The following BCLAF3 variants were observed in gnomAD, a reference collection of about 807,000 sequenced individuals.
BCLAF3 encodes transient octamer binding factor 1.
Under a neutral mutation model 51.2 loss-of-function variants are expected in BCLAF3, and 24 were observed. The ratio of observed to expected loss-of-function variants is 0.47; its 90% CI spans 0.34 to 0.66. The LOEUF is 0.66. Ranked by LOEUF, BCLAF3 falls within the 30% of genes least tolerant of loss-of-function variation. BCLAF3 has a pLI of 0.01. For synonymous variants in BCLAF3, 152 were observed against 176.6 expected, an observed-to-expected ratio of 0.86 and a Z score of 1.10; for missense variants, 465 against 525.1, an observed-to-expected ratio of 0.89 and a Z score of 1.12.
chrX:19,974,560 C>T (rs771263717), intron 1 of BCLAF3, among the ~76,000 whole-genome samples: 1 of 111,793 alleles, frequency 8.9e-6, no homozygotes, highest in Non-Finnish European at 1.9e-5. Flanking sequence ...CTTTCCTTCA[C>T]CCAATATTAA....
chrX:19,926,904 G>A (rs933981797), intron 11 of BCLAF3, among the ~76,000 whole-genome samples: 4 of 111,374 alleles, frequency 3.6e-5, no homozygotes, highest in Admixed American at 9.6e-5. Context: ...TATACGAGAC[G>A]GGAAAATGAT....
At chrX:19,933,284 G>T (rs1163507881) in intron 10 of BCLAF3, among the ~76,000 whole-genome samples, 2 of 111,777 alleles carry the variant, frequency 1.8e-5, no homozygotes, top group Admixed American at 9.5e-5. Flanking sequence ...ACAATGTTTA[G>T]GTTCTGTAAT....
At chrX:19,990,646 G>A (rs1336257659) in intron 1 of BCLAF3, among the ~76,000 whole-genome samples, 1 of 113,259 alleles carries the variant, frequency 8.8e-6, no homozygotes, top group Non-Finnish European at 1.9e-5. Context: ...CAGGTGCCCG[G>A]GTCGCCGTGC....
At chrX:19,955,315 G>A in intron 5 of BCLAF3, 76 bp downstream of exon 5, 1 of 699,492 alleles carries the variant, frequency 1.4e-6, no homozygotes, top group Non-Finnish European at 2.1e-6. Flanking sequence ...AAACTATACT[G>A]CAGGTGTTTA....
In BCLAF3 at chrX:19,966,335, C is replaced by T. The variant is rs763597903; in HGVS notation, c.356G>A (p.Gly119Asp). 2.5e-6 allele frequency: 3 copies of T among 1,211,500 alleles called. No individual in the cohort carries two copies. In the South Asian group the frequency reaches 5.3e-5, roughly 21 times the overall value. Residue 119 changes from glycine to aspartate, a missense_variant, in exon 3 of 12, where the codon GGT (glycine) becomes GAT (aspartate). Transcript: ENST00000379682. ...RAQYMPKYSE[G>D]IPYKEHERNS... Reference sequence around the variant, plus strand: ...CCTTTCATGCTCTTTGTAGGGTATACCCTCTGAGTATTTGGGCATATACTG... The same window carrying T: ...CCTTTCATGCTCTTTGTAGGGTATATCCTCTGAGTATTTGGGCATATACTG...
chrX:19,951,582 T>G (rs2071478740), intron 7 of BCLAF3, among the ~76,000 whole-genome samples: 1 of 74,605 alleles, frequency 1.3e-5, no homozygotes, highest in African/African-American at 7.0e-5. Context: ...GGTGACAGAG[T>G]GAGACTCTGT....
In BCLAF3 at chrX:19,929,881, G is replaced by A; in HGVS notation, c.2010C>T (p.Ser670=). ...PNYKSGLVQK[S]LYIQAKYQRL... is the part of the protein sequence containing the mutation. ...GCTGATACTTAGCCTGAATGTACAA[G>A]CTCTTCTGTACCAGGCCTGATTTAT... Residue 670 remains serine (S), a synonymous_variant, in exon 11 of 12, where the codon AGC becomes AGT. Transcript: ENST00000379682. The A allele has an allele frequency of 8.3e-7, 1 of 1,210,145 alleles. No homozygotes were observed. The highest frequency in any genetic ancestry group is 1.1e-6 in the Non-Finnish European group (1 of 894,421).
At chrX:19,941,484 C>G (rs4825324) in intron 8 of BCLAF3, among the ~76,000 whole-genome samples, 8 of 97,262 alleles carry the variant, frequency 8.2e-5, no homozygotes, top group African/African-American at 3.7e-4. Context: ...TCAGCTTTCT[C>G]CATATGGCTA....
At position 19,950,847 on chromosome X, in the gene BCLAF3, G is replaced by A. The variant is rs376493437; in HGVS notation, c.1651C>T (p.Pro551Ser). Reference protein sequence around the residue: ...SEQTLIKIIDPNDLRHDIERR... With the variant: ...SEQTLIKIIDSNDLRHDIERR... ...TCAATGTCATGTCGTAGGTCATTTGGATCTATTATTTTGATCAGAGTCTGA... is the reference window on the plus strand; with the variant it reads ...TCAATGTCATGTCGTAGGTCATTTGAATCTATTATTTTGATCAGAGTCTGA... Residue 551 changes from proline to serine, a missense_variant, in exon 8 of 12, where the codon CCA becomes TCA. Coordinates refer to ENST00000379682, the MANE Select transcript of BCLAF3 (RefSeq NM_001367774.2). 8.3e-7 allele frequency: 1 copy of A among 1,205,813 alleles called. No individual in the cohort carries two copies. Among genetic ancestry groups the A allele is most frequent in the Non-Finnish European group, 1.1e-6 (1 of 890,811 alleles).
At chrX:19,930,271 T>C (rs1294746726) in intron 10 of BCLAF3, 10 of 141,369 alleles carry the variant, frequency 7.1e-5, no homozygotes, top group African/African-American at 3.2e-4. Flanking sequence ...CTGTTCTCTA[T>C]GCTTGAAAAG....
chrX:19,938,467 C>A (rs2070864093), intron 8 of BCLAF3, among the ~76,000 whole-genome samples: 1 of 112,293 alleles, frequency 8.9e-6, no homozygotes, highest in Non-Finnish European at 1.9e-5. Context: ...ACAATCTCGG[C>A]TCATTGCAAC....
Position 19,929,903 on chromosome X carries a change from T to G in BCLAF3, c.1988A>C (p.Lys663Thr), listed in dbSNP as rs1363912373. The G allele has an allele frequency of 1.7e-6, 2 of 1,208,794 alleles. No individual in the cohort carries two copies. The highest frequency in any genetic ancestry group is 2.2e-6 in the Non-Finnish European group (2 of 894,485). The change falls in exon 11 of 12, where the codon AAA becomes ACA. Residue 663 changes from lysine (K) to threonine (T), a missense_variant. Physicochemically the swap from Lys to Thr is moderately conservative, Grantham distance 78 (BLOSUM62 -1). Transcript: ENST00000379682. ...FRGGRCQPNY[K>T]SGLVQKSLYI... The stretch of plus-strand genomic sequence containing the variant: ...CAAGCTCTTCTGTACCAGGCCTGAT[T>G]TATAATTGGGCTGGCATCTGCCACC...
chrX:19,935,914 T>G lies in BCLAF3; in HGVS notation c.1861-16A>C. 1 of 1,146,521 alleles carries G rather than the reference T, an allele frequency of 8.7e-7. No individual in the cohort carries two copies. Among genetic ancestry groups the G allele is most frequent in the Non-Finnish European group, 1.2e-6 (1 of 837,584 alleles). 94.5% of individuals were successfully genotyped at this position (1,146,521 alleles called of 1,213,427 possible). ...TAGTATAATTCTGCACGAAAAAAAG[T>G]AGTAGTGTGGGTTAACAGACTTTAA... On this transcript the variant is annotated splice_polypyrimidine_tract_variant and intron_variant, in intron 9 of 11. Transcript: ENST00000379682.
chrX:19,982,311 A>C (rs2072637106), intron 1 of BCLAF3, among the ~76,000 whole-genome samples: 1 of 110,521 alleles, frequency 9.0e-6, no homozygotes, highest in South Asian at 3.8e-4. Context: ...AACAAACAAA[A>C]AAGCCACACT....
chrX:19,953,373 G>A (rs1174772950), intron 6 of BCLAF3, among the ~76,000 whole-genome samples: 2 of 111,749 alleles, frequency 1.8e-5, no homozygotes, highest in African/African-American at 6.5e-5. Flanking sequence ...ACAAGTGCCA[G>A]CAGAAGACAC....
At chrX:19,925,988 G>A (rs888548282) in intron 11 of BCLAF3, among the ~76,000 whole-genome samples, 2 of 111,664 alleles carry the variant, frequency 1.8e-5, no homozygotes, top group Non-Finnish European at 3.8e-5. Context: ...TAAGGTACCT[G>A]AGTTGATGCT....
At chrX:19,984,952 G>A (rs1164062645) in intron 1 of BCLAF3, 4 of 112,407 alleles carry the variant, frequency 3.6e-5, no homozygotes, top group Admixed American at 1.9e-4. Context: ...CTCCCAAAGT[G>A]CTGGGATTAC....
chrX:19,930,666 A>C lies in BCLAF3; in HGVS notation c.1951-726T>G, dbSNP rs1363947478. 2.4e-5 allele frequency: 4 copies of C among 166,550 alleles called. No homozygotes were observed. In the South Asian group the frequency reaches 3.4e-4, roughly 14 times the overall value. 13.7% of individuals were successfully genotyped at this position (166,550 alleles called of 1,213,427 possible). The stretch of plus-strand genomic sequence containing the variant: ...GACAGAGCGAGACCCTGTCTCAAAA[A>C]AACAAAACAAAACTACATCAAACCA... On this transcript the variant is annotated intron_variant, in intron 10 of 11. Transcript: ENST00000379682.
intron 4 of BCLAF3, among the ~76,000 whole-genome samples, chrX:19,955,929 A>G (rs1264292824): frequency 8.9e-6 from 1 of 112,360 alleles, no homozygotes; most frequent in Admixed American, 9.5e-5. Context: ...TTGTTAGTCC[A>G]GCAAAATTAT....
Sources: allele counts gnomAD v4.1 joint callset (sites outside exome capture counted in the v4.1 genomes callset), GRCh38; gene constraint gnomAD v4.1.1; transcripts MANE v1.5; gene names NCBI Gene and HGNC (gene_info 2026-07-23, HGNC 2026-07-21).